The following GRID2 variants were observed in gnomAD, a reference collection of about 807,000 sequenced individuals.
The protein encoded by GRID2 is glutamate receptor ionotropic, delta-2.
A neutral mutation model predicts 114.8 loss-of-function variants in GRID2; 33 were observed. The observed-to-expected ratio is 0.29, with a 90% CI of 0.22 to 0.38. The LOEUF is 0.38. GRID2 is among the 10% of genes least tolerant of loss of function. The pLI is 1.00. For missense variants in GRID2, 1,184 were observed against 1,257.7 expected (o/e 0.94, Z 0.89); for synonymous variants, 505 against 449.9 (o/e 1.12, Z -1.55).
At chr4:92,638,237 C>T (rs1464740851) in intron 2 of GRID2, among the ~76,000 whole-genome samples, 1 of 151,404 alleles carries the variant, frequency 6.6e-6, no homozygotes, top group African/African-American at 2.4e-5. Flanking sequence ...TGCTGTTGCT[C>T]ACATTTTAAA....
intron 2 of GRID2, among the ~76,000 whole-genome samples, chr4:92,693,440 G>T (rs1734276779): frequency 6.6e-6 from 1 of 152,088 alleles, no homozygotes; most frequent in Middle Eastern, 3.2e-3. Flanking sequence ...TTTCCACTTT[G>T]TTGGGAAATG....
At chr4:92,938,321 A>G (rs984748543) in intron 2 of GRID2, among the ~76,000 whole-genome samples, 12 of 146,546 alleles carry the variant, frequency 8.2e-5, no homozygotes, top group Non-Finnish European at 1.8e-4. Flanking sequence ...AATCTTCTTT[A>G]TGGCCCATCT....
rs185675858 is a variant in GRID2, at chr4:93,262,378, G to A, written c.1245+23888G>A. On this transcript the variant is annotated intron_variant, in intron 8 of 15. Coordinates refer to ENST00000282020, the MANE Select transcript of GRID2 (RefSeq NM_001510.4). ...TAATTTTTTGATGAAAGCTGAGAAC[G>A]TAAACCATAAATGCCCAGGGAGGCA... Among the ~76,000 whole-genome samples the A allele has an allele frequency of 1.2e-3, 180 of 151,984 alleles. 2 individuals carry two copies. Among genetic ancestry groups the A allele is most frequent in the African/African-American group, 4.2e-3 (176 of 41,530 alleles).
intron 1 of GRID2, among the ~76,000 whole-genome samples, chr4:92,322,554 A>G (rs1356024527): frequency 6.6e-6 from 1 of 152,110 alleles, no homozygotes; most frequent in Non-Finnish European, 1.5e-5. Context: ...TACCTACTAT[A>G]TACCCACAAA....
chr4:93,505,511 C>G (rs1453573581), intron 12 of GRID2, among the ~76,000 whole-genome samples: 2 of 150,736 alleles, frequency 1.3e-5, no homozygotes, highest in African/African-American at 4.9e-5. Context: ...ATGCTTTTTA[C>G]CATGCACAGG....
intron 2 of GRID2, among the ~76,000 whole-genome samples, chr4:92,633,818 T>G (rs1338703945): frequency 2.6e-5 from 4 of 151,546 alleles, no homozygotes; most frequent in African/African-American, 9.7e-5. Context: ...GTGCTCTAAA[T>G]ACACAGAAAT....
intron 1 of GRID2, among the ~76,000 whole-genome samples, chr4:92,529,816 G>C (rs1246256477): frequency 6.6e-6 from 1 of 152,120 alleles, no homozygotes; most frequent in Non-Finnish European, 1.5e-5. Context: ...TATAGAATCT[G>C]ATATGATGGC....
intron 2 of GRID2, among the ~76,000 whole-genome samples, chr4:92,723,462 T>C (rs372181638): frequency 2.5e-3 from 376 of 152,220 alleles, no homozygotes; most frequent in African/African-American, 8.6e-3. Flanking sequence ...CAAAAAAAGG[T>C]AGTTTTCTTT....
At chr4:93,296,303 C>G (rs1754306581) in intron 8 of GRID2, among the ~76,000 whole-genome samples, 1 of 151,794 alleles carries the variant, frequency 6.6e-6, no homozygotes, top group South Asian at 2.1e-4. Context: ...TCCCCCCCTC[C>G]CACCCCACAG....
rs188206915 is a variant in GRID2, at chr4:93,346,840, T to G, written c.1246-48767T>G. On this transcript the variant is annotated intron_variant, in intron 8 of 15. Coordinates refer to ENST00000282020, the MANE Select transcript of GRID2 (RefSeq NM_001510.4). Reference sequence around the variant, plus strand: ...AAGCCTTGGGTAAATGTTAGAATATTACAAACCTGTCATACCTCTTTATTA... The same window carrying G: ...AAGCCTTGGGTAAATGTTAGAATATGACAAACCTGTCATACCTCTTTATTA... Among the ~76,000 whole-genome samples the G allele has an allele frequency of 5.5e-4, 84 of 152,284 alleles. 1 individual carries two copies. The highest frequency in any genetic ancestry group is 1.5e-4 in the Non-Finnish European group (10 of 68,014).
chr4:93,421,552 A>G (rs1393139704), intron 9 of GRID2, among the ~76,000 whole-genome samples: 1 of 152,326 alleles, frequency 6.6e-6, no homozygotes, highest in African/African-American at 2.4e-5. Flanking sequence ...ATGAACATCA[A>G]ACTTAGTACT....
chr4:92,925,434 T>C (rs1749738685), intron 2 of GRID2, among the ~76,000 whole-genome samples: 1 of 152,052 alleles, frequency 6.6e-6, no homozygotes, highest in Non-Finnish European at 1.5e-5. Flanking sequence ...CCTGAAGTAA[T>C]GAAAGCTGAC....
At chr4:93,009,291 T>A (rs1467119061) in intron 2 of GRID2, among the ~76,000 whole-genome samples, 1 of 152,124 alleles carries the variant, frequency 6.6e-6, no homozygotes, top group Non-Finnish European at 1.5e-5. Flanking sequence ...AGTTTCTTAC[T>A]ACACTGCTAT....
At chr4:92,808,400 A>T (rs886753270) in intron 2 of GRID2, among the ~76,000 whole-genome samples, 1 of 152,028 alleles carries the variant, frequency 6.6e-6, no homozygotes, top group Non-Finnish European at 1.5e-5. Flanking sequence ...TTTAAATCAG[A>T]ATTTGTTACT....
intron 12 of GRID2, 86 bp from the exon 13 acceptor site, chr4:93,515,130 G>C: frequency 1.9e-6 from 1 of 521,062 alleles, no homozygotes; most frequent in Middle Eastern, 2.9e-4. Context: ...CACACATATT[G>C]CCTTTTTTTT....
chr4:93,157,131 C>T lies in GRID2; in HGVS notation c.735+46178C>T, dbSNP rs550143937. Among the ~76,000 whole-genome samples the T allele has an allele frequency of 4.0e-5, 6 of 151,700 alleles. No individual in the cohort carries two copies. In the East Asian group the frequency reaches 1.2e-3, roughly 30 times the overall value. ...CCAAATGAATCCAGATCCCATGTAC[C>T]TGGTAGTTGTGTTCTCAGTAAGAAG... is the stretch of plus-strand genomic sequence containing the variant. On this transcript the variant is annotated intron_variant, in intron 4 of 15. Coordinates refer to ENST00000282020, the MANE Select transcript of GRID2 (RefSeq NM_001510.4).
At chr4:93,331,300 C>T (rs1041045517) in intron 8 of GRID2, among the ~76,000 whole-genome samples, 1 of 150,560 alleles carries the variant, frequency 6.6e-6, no homozygotes, top group Non-Finnish European at 1.5e-5. Flanking sequence ...GTTATTCTCT[C>T]TGCTTGGGAA....
At chr4:92,712,108 C>A (rs766285346) in intron 2 of GRID2, among the ~76,000 whole-genome samples, 8 of 150,022 alleles carry the variant, frequency 5.3e-5, no homozygotes, top group Non-Finnish European at 1.0e-4. Context: ...CTGATCAACA[C>A]GAAAAATTAA....
intron 2 of GRID2, among the ~76,000 whole-genome samples, chr4:92,666,650 G>GTTTTTTTTTTGTTTTTTTTTTT (rs1732794306): frequency 1.5e-5 from 1 of 68,594 alleles, no homozygotes; most frequent in Non-Finnish European, 2.8e-5. Context: ...CTTAAGGGTT[G>GTTTTTTTTTTGTTTTTTTTTTT]TTTTTTTTTT....
Sources: allele counts gnomAD v4.1 joint callset (sites outside exome capture counted in the v4.1 genomes callset), GRCh38; gene constraint gnomAD v4.1.1; transcripts MANE v1.5; gene names NCBI Gene and HGNC (gene_info 2026-07-23, HGNC 2026-07-21).